NCR2: variants seen among roughly 807,000 people sequenced by gnomAD.
NCR2 encodes the protein natural cytotoxicity triggering receptor 2.
A neutral mutation model predicts 30.7 loss-of-function variants in NCR2; 35 were observed. That is an observed-to-expected ratio of 1.14 (90% CI 0.87 to 1.51). NCR2 has a LOEUF of 1.51. NCR2 is among the 40% of genes most tolerant of loss of function. The probability of loss-of-function intolerance (pLI) is 0.00; values close to 1 mark genes in which losing one functional copy is unlikely to be tolerated. For synonymous variants in NCR2, 146 were observed against 134.8 expected, an observed-to-expected ratio of 1.08 and a Z score of -0.58; for missense variants, 316 against 328.9, an observed-to-expected ratio of 0.96 and a Z score of 0.30.
intron 4 of NCR2, among the ~76,000 whole-genome samples, chr6:41,345,118 A>T (rs113574916): frequency 0.016 from 2,452 of 152,204 alleles, 28 homozygotes; most frequent in South Asian, 0.023. Flanking sequence ...AGCTCTCTGC[A>T]GCTGTTGAGA....
rs1769186855 is a variant in NCR2 at position 41,342,075 on chromosome 6, C to T, written c.570C>T (p.Pro190=). The T allele has an allele frequency of 1.9e-6, 3 of 1,613,954 alleles. No homozygotes were observed. Among genetic ancestry groups the T allele is most frequent in the Middle Eastern group, 3.3e-4 (2 of 6,062 alleles). Residue 190 remains proline, a synonymous_variant, in exon 4 of 5, where the codon CCC becomes CCT. Coordinates refer to ENST00000373089, the MANE Select transcript of NCR2 (RefSeq NM_004828.4). ...CGCTCCGCCCTGGCCCTGCAGCCCC[C>T]ATTGCCCTGGTGCCTGTGTTCTGTG... ...NSTLRPGPAA[P]IALVPVFCGL...
At chr6:41,346,376 G>A (rs9369273) in intron 4 of NCR2, among the ~76,000 whole-genome samples, 104,790 of 150,984 alleles carry the variant, frequency 0.69, 36,848 homozygotes, top group East Asian at 0.85. Flanking sequence ...CCCTACCTCA[G>A]TCCTGCTAAC....
intron 4 of NCR2, chr6:41,343,048 G>C: frequency 6.5e-7 from 1 of 1,534,132 alleles, no homozygotes; most frequent in Non-Finnish European, 8.8e-7. Context: ...CTCCAACAAG[G>C]CTGGGCTCCC....
intron 4 of NCR2, among the ~76,000 whole-genome samples, chr6:41,344,245 C>T (rs1448506169): frequency 6.6e-6 from 1 of 152,194 alleles, no homozygotes; most frequent in Non-Finnish European, 1.5e-5. Context: ...TAGCACAGCA[C>T]CCCACTGTGC....
intron 2 of NCR2, among the ~76,000 whole-genome samples, chr6:41,340,879 G>C (rs1409986344): frequency 1.3e-5 from 2 of 152,040 alleles, no homozygotes; most frequent in African/African-American, 4.8e-5. Context: ...CGTGCCCACA[G>C]GTCCATAGGC....
chr6:41,342,617 A>G (rs1173020927), intron 4 of NCR2, among the ~76,000 whole-genome samples: 1 of 152,050 alleles, frequency 6.6e-6, no homozygotes, highest in African/African-American at 2.4e-5. Context: ...ACACAGCTGG[A>G]AAGTCCCTCC....
chr6:41,350,816 T>C lies in NCR2; in HGVS notation c.783T>C (p.Thr261=). The change falls in exon 5 of 5, where the codon ACT becomes ACC. Residue 261 remains threonine, a synonymous_variant. Transcript: ENST00000373089. ...TAGAGAGAGAAATATTATATCACAC[T>C]GTTGCAAGGACTAAGATAAGCGATG... The part of the protein sequence containing the change: ...SPVEREILYH[T]VARTKISDDD... 1 of 1,103,686 alleles carries C rather than the reference T, an allele frequency of 9.1e-7. No homozygotes were observed. The highest frequency in any genetic ancestry group is 2.3e-5 in the East Asian group (1 of 42,572). The allele number at this position is 1,103,686 out of a possible 1,614,324, so 68.4% of individuals were successfully genotyped here. A position where few individuals can be genotyped will look rare whatever the true frequency, so the allele number is the denominator to read the frequency against.
intron 4 of NCR2, among the ~76,000 whole-genome samples, chr6:41,343,218 G>T (rs971946752): frequency 6.6e-6 from 1 of 152,252 alleles, no homozygotes. Context: ...CCCGTTGTGG[G>T]AGCAAAGCCC....
intron 4 of NCR2, chr6:41,342,842 G>A (rs532076165): frequency 6.1e-6 from 8 of 1,310,616 alleles, no homozygotes; most frequent in Non-Finnish European, 7.5e-6. Flanking sequence ...TGCTGGAGGA[G>A]GGGCAGGCTT....
chr6:41,336,465 CT>C (rs1769034293), intron 2 of NCR2, 37 bp downstream of exon 2: 1 of 1,552,408 alleles, frequency 6.4e-7, no homozygotes, highest in Non-Finnish European at 8.8e-7. Context: ...AGGGGTGCCC[CT>C]CACCCCCTTT....
At position 41,336,199 on chromosome 6, in the gene NCR2, T is replaced by A. The variant is rs1769019835; in HGVS notation, c.165T>A (p.Cys55Ter). 1 of 1,614,002 alleles carries A rather than the reference T, an allele frequency of 6.2e-7. No homozygotes were observed. The highest frequency in any genetic ancestry group is 1.3e-5 in the African/African-American group (1 of 74,908). Residue 55 changes from cysteine (C) to a stop codon, truncating the protein, a stop_gained, in exon 2 of 5, where the codon TGT becomes TGA. Transcript: ENST00000373089. LOFTEE classifies it high-confidence loss of function. ...TGSLYEKKGW[C>*]KEASALVCIR... ...GTCTCTACGAGAAGAAAGGCTGGTGTAAGGAGGCTTCAGCACTTGTGTGCA... is the reference window on the plus strand; with the variant it reads ...GTCTCTACGAGAAGAAAGGCTGGTGAAAGGAGGCTTCAGCACTTGTGTGCA...
In NCR2 at chr6:41,350,815, C is replaced by A; in HGVS notation, c.782C>A (p.Thr261Asn). The stretch of plus-strand genomic sequence containing the variant: ...GTAGAGAGAGAAATATTATATCACA[C>A]TGTTGCAAGGACTAAGATAAGCGAT... ...SPVEREILYH[T>N]VARTKISDDD... Residue 261 changes from threonine (T) to asparagine (N), a missense_variant, in exon 5 of 5, where the codon ACT (threonine) becomes AAT (asparagine). Thr to Asn is a moderately conservative substitution (Grantham distance 65). Transcript: ENST00000373089. The A allele has an allele frequency of 8.9e-7, 1 of 1,123,484 alleles. No homozygotes were observed. Among genetic ancestry groups the A allele is most frequent in the Non-Finnish European group, 1.4e-6 (1 of 731,982 alleles). 69.6% of individuals were successfully genotyped at this position (1,123,484 alleles called of 1,614,324 possible). A position where few individuals can be genotyped will look rare whatever the true frequency, so the allele number is the denominator to read the frequency against.
intron 4 of NCR2, among the ~76,000 whole-genome samples, chr6:41,344,086 G>T (rs1431712757): frequency 2.6e-5 from 4 of 151,930 alleles, no homozygotes; most frequent in African/African-American, 9.7e-5. Flanking sequence ...ACCTAACAGG[G>T]GGTCCTGTCT....
chr6:41,347,893 C>T (rs972695059), intron 4 of NCR2, among the ~76,000 whole-genome samples: 3 of 152,134 alleles, frequency 2.0e-5, no homozygotes, highest in Non-Finnish European at 2.9e-5. Flanking sequence ...TGTGGTTGCT[C>T]GCACAGGCCT....
At chr6:41,346,797 AAG>A (rs1769310316) in intron 4 of NCR2, among the ~76,000 whole-genome samples, 1 of 143,784 alleles carries the variant, frequency 7.0e-6, no homozygotes, top group East Asian at 2.3e-4. Flanking sequence ...ACTCACTGAA[AAG>A]AGAGAGAAAG....
At chr6:41,348,802 G>A (rs964007789) in intron 4 of NCR2, among the ~76,000 whole-genome samples, 4 of 152,090 alleles carry the variant, frequency 2.6e-5, no homozygotes, top group African/African-American at 9.7e-5. Context: ...TGGATCTCCT[G>A]TAAAACTTAT....
intron 4 of NCR2, among the ~76,000 whole-genome samples, chr6:41,346,823 G>A (rs541108865): frequency 1.5e-5 from 2 of 133,200 alleles, no homozygotes; most frequent in East Asian, 5.3e-4. Context: ...GGGAAAGAGA[G>A]AAAGAGAGGG....
intron 4 of NCR2, among the ~76,000 whole-genome samples, chr6:41,349,058 T>G (rs1769369669): frequency 6.8e-6 from 1 of 147,282 alleles, no homozygotes; most frequent in Non-Finnish European, 1.5e-5. Flanking sequence ...TTATATAAAT[T>G]ATTATAGTTT....
rs761094418 is a variant in NCR2, at chr6:41,342,056, G to A, written c.551G>A (p.Arg184His). 31 of 1,613,788 alleles carry A rather than the reference G, an allele frequency of 1.9e-5. No homozygotes were observed. The highest frequency in any genetic ancestry group is 1.6e-4 in the Middle Eastern group (1 of 6,062). Residue 184 changes from arginine to histidine, a missense_variant, in exon 4 of 5, where the codon CGC becomes CAC. By Grantham distance (29) the Arg-to-His change is conservative. Coordinates refer to ENST00000373089, the MANE Select transcript of NCR2 (RefSeq NM_004828.4). Reference protein sequence around the residue: ...VPSQPQNSTLRPGPAAPIALV... With the variant: ...VPSQPQNSTLHPGPAAPIALV... ...TCCAGGCCACAGAACTCCACGCTCC[G>A]CCCTGGCCCTGCAGCCCCCATTGCC...
Sources: gnomAD v4.1 joint callset for allele counts (sites outside exome capture counted in the v4.1 genomes callset) on GRCh38, gnomAD v4.1.1 for gene constraint, MANE v1.5 for transcripts, NCBI Gene and HGNC (gene_info 2026-07-23, HGNC 2026-07-21) for gene names.